Variants in ARHGAP10 observed in about 807,000 individuals in gnomAD.
ARHGAP10 encodes rho GTPase-activating protein 10.
In ARHGAP10, 87 loss-of-function variants were observed where a neutral mutation model predicts 108.6. The ratio of observed to expected loss-of-function variants is 0.80; its 90% CI spans 0.67 to 0.96. ARHGAP10 has a LOEUF of 0.96. Ranked by LOEUF, ARHGAP10 falls within the 40% of genes least tolerant of loss-of-function variation. The probability of loss-of-function intolerance (pLI) is 0.00; values close to 1 mark genes in which losing one functional copy is unlikely to be tolerated. For synonymous variants in ARHGAP10, 347 were observed against 341.1 expected (o/e 1.02, Z -0.19); for missense variants, 939 against 954.5 (o/e 0.98, Z 0.21).
intron 1 of ARHGAP10, among the ~76,000 whole-genome samples, chr4:147,788,508 C>T (rs1432716330): frequency 6.6e-6 from 1 of 152,074 alleles, no homozygotes; most frequent in Non-Finnish European, 1.5e-5. Flanking sequence ...CTTGTGAAAG[C>T]ACTTTTGTTT....
intron 18 of ARHGAP10, among the ~76,000 whole-genome samples, chr4:147,969,581 G>A (rs920266143): frequency 5.3e-5 from 8 of 152,122 alleles, no homozygotes; most frequent in African/African-American, 1.7e-4. Flanking sequence ...TACTGGCTCT[G>A]GGTCTTGCTC....
chr4:147,802,814 C>T (rs938712355), intron 1 of ARHGAP10, among the ~76,000 whole-genome samples: 10 of 152,178 alleles, frequency 6.6e-5, no homozygotes, highest in African/African-American at 1.4e-4. Flanking sequence ...TTGAAGACTC[C>T]TTATCCTGCT....
chr4:147,957,079 T>G (rs972711922), intron 16 of ARHGAP10, among the ~76,000 whole-genome samples: 1 of 152,180 alleles, frequency 6.6e-6, no homozygotes, highest in Non-Finnish European at 1.5e-5. Flanking sequence ...TACCTTGTGT[T>G]TTGCTTCCTG....
chr4:148,051,019 C>G lies in ARHGAP10; in HGVS notation c.2027+3968C>G, dbSNP rs530944269. ...TGGATCACATAGGACCCCAGTAGAT[C>G]TGTTGAACAAAAATGCTAAAATCTT... On this transcript the variant is annotated intron_variant, in intron 20 of 22. Coordinates refer to ENST00000336498, the MANE Select transcript of ARHGAP10 (RefSeq NM_024605.4). Among the ~76,000 whole-genome samples the G allele has an allele frequency of 2.6e-5, 4 of 152,316 alleles. No individual in the cohort carries two copies. The East Asian group carries it at 7.7e-4, about 29-fold the overall frequency.
At chr4:147,863,720 G>A (rs1163593377) in intron 5 of ARHGAP10, 1 of 152,090 alleles carries the variant, frequency 6.6e-6, no homozygotes, top group African/African-American at 2.4e-5. Context: ...TTGAATTCTG[G>A]TTAATGAAGC....
intron 5 of ARHGAP10, chr4:147,864,014 G>C (rs1193979326): frequency 6.6e-6 from 1 of 152,162 alleles, no homozygotes; most frequent in Non-Finnish European, 1.5e-5. Flanking sequence ...CTTTTCACAT[G>C]CTTATTGGCC....
intron 18 of ARHGAP10, among the ~76,000 whole-genome samples, chr4:148,011,169 ATTGAT>A (rs1741156463): frequency 1.3e-5 from 2 of 152,192 alleles, no homozygotes. Context: ...TATTGGTGAA[ATTGAT>A]CCCTTGGTTG....
intron 1 of ARHGAP10, among the ~76,000 whole-genome samples, chr4:147,764,057 G>A (rs1046508428): frequency 6.6e-6 from 1 of 152,106 alleles, no homozygotes; most frequent in African/African-American, 2.4e-5. Context: ...ACCATGCCTG[G>A]CCCAGACAGT....
intron 16 of ARHGAP10, among the ~76,000 whole-genome samples, chr4:147,963,429 A>C (rs1739078001): frequency 6.6e-6 from 1 of 152,192 alleles, no homozygotes; most frequent in Admixed American, 6.5e-5. Context: ...GTCAGCAGTA[A>C]ATTTAGAACC....
chr4:148,027,898 T>G (rs1727950694), intron 19 of ARHGAP10, among the ~76,000 whole-genome samples: 1 of 152,112 alleles, frequency 6.6e-6, no homozygotes, highest in Admixed American at 6.5e-5. Flanking sequence ...ATTTGGAAGT[T>G]TTTTTTGCCT....
Position 148,071,975 on chromosome 4 carries a change from T to C in ARHGAP10, c.2273-18T>C, listed in dbSNP as rs1194236108. 1.9e-6 allele frequency: 3 copies of C among 1,608,744 alleles called. No individual in the cohort carries two copies. Among genetic ancestry groups the C allele is most frequent in the Non-Finnish European group, 2.5e-6 (3 of 1,177,488 alleles). ...CTTGGGGGCATTTTGTAAAAGTGAT[T>C]TTTCTCTTCCTTTTCAGTACAAACC... On this transcript the variant is annotated intron_variant, in intron 22 of 22. Coordinates refer to ENST00000336498, the MANE Select transcript of ARHGAP10 (RefSeq NM_024605.4).
intron 3 of ARHGAP10, among the ~76,000 whole-genome samples, chr4:147,842,633 C>A (rs1342725260): frequency 6.6e-6 from 1 of 152,116 alleles, no homozygotes; most frequent in Non-Finnish European, 1.5e-5. Flanking sequence ...CATGGAAGGC[C>A]TTTGCCTGGA....
At chr4:147,991,764 T>C (rs1182225601) in intron 18 of ARHGAP10, among the ~76,000 whole-genome samples, 3 of 152,196 alleles carry the variant, frequency 2.0e-5, no homozygotes, top group African/African-American at 7.2e-5. Flanking sequence ...AGGCAGGCCT[T>C]TCTAAGGATA....
intron 13 of ARHGAP10, among the ~76,000 whole-genome samples, chr4:147,914,568 C>T (rs9307845): frequency 0.81 from 100,789 of 125,134 alleles, 41,699 homozygotes; most frequent in Non-Finnish European, 0.92. Flanking sequence ...CCCCCCCCCC[C>T]TTTTTTTTTT....
At chr4:148,040,383 C>T (rs1728578661) in intron 19 of ARHGAP10, among the ~76,000 whole-genome samples, 1 of 152,074 alleles carries the variant, frequency 6.6e-6, no homozygotes, top group South Asian at 2.1e-4. Context: ...GCTCTGTTGC[C>T]CAGGCTGGAG....
intron 18 of ARHGAP10, 57 bp downstream of exon 18, chr4:147,966,896 A>G (rs1457066079): frequency 3.0e-6 from 4 of 1,349,998 alleles, no homozygotes; most frequent in East Asian, 2.5e-5. Flanking sequence ...CATGTACTAC[A>G]CAACGATCCT....
intron 15 of ARHGAP10, 121 bp downstream of exon 15, chr4:147,946,825 AT>A: frequency 1.4e-6 from 1 of 701,878 alleles, no homozygotes; most frequent in Non-Finnish European, 2.1e-6. Context: ...AAAAGGGAAA[AT>A]TTATCAGGTG....
intron 18 of ARHGAP10, among the ~76,000 whole-genome samples, chr4:148,019,852 C>G (rs1033250528): frequency 6.6e-6 from 1 of 152,084 alleles, no homozygotes; most frequent in African/African-American, 2.4e-5. Flanking sequence ...AGTGCTGTCT[C>G]AGATGAGCAT....
Position 147,969,126 on chromosome 4 carries a change from G to T in ARHGAP10, c.1716+2287G>T, listed in dbSNP as rs934148268. On this transcript the variant is annotated intron_variant, in intron 18 of 22. Coordinates refer to ENST00000336498, the MANE Select transcript of ARHGAP10 (RefSeq NM_024605.4). The stretch of plus-strand genomic sequence containing the variant: ...GGACTGGGAAAGAGACAGGCAAACA[G>T]AAATGTAGTCCCTTTGGGGAAGGCA... Among the ~76,000 whole-genome samples, 5 of 152,174 alleles carry T rather than the reference G, an allele frequency of 3.3e-5. No homozygotes were observed. In the East Asian group the frequency reaches 7.7e-4, roughly 23 times the overall value.
Sources: gnomAD v4.1 joint callset for allele counts (sites outside exome capture counted in the v4.1 genomes callset) on GRCh38, gnomAD v4.1.1 for gene constraint, MANE v1.5 for transcripts, NCBI Gene and HGNC (gene_info 2026-07-23, HGNC 2026-07-21) for gene names.